MTM1: variants seen among roughly 807,000 people sequenced by gnomAD.
MTM1 encodes myotubularin.
MTM1 carries 9 observed loss-of-function variants against 52.1 expected under a neutral mutation model. That is an observed-to-expected ratio of 0.17 (90% confidence interval 0.10 to 0.30). The LOEUF is 0.30. MTM1 is among the 10% of genes least tolerant of loss of function. The pLI, the probability that MTM1 is intolerant of heterozygous loss-of-function variation, is 1.00. For missense variants in MTM1, 277 were observed against 470.7 expected (o/e 0.59, Z 3.81); for synonymous variants, 136 against 163.8 (o/e 0.83, Z 1.29).
At chrX:150,659,871 A>C in intron 12 of MTM1, 115 bp downstream of exon 12, 4 of 617,778 alleles carry the variant, frequency 6.5e-6, no homozygotes, top group South Asian at 4.9e-5. Context: ...AGATGAAGCA[A>C]GACTGGGCAT....
At chrX:150,596,820 G>A (rs1054448086) in intron 3 of MTM1, 98 of 325,809 alleles carry the variant, frequency 3.0e-4, no homozygotes, top group Non-Finnish European at 2.5e-4. Flanking sequence ...GGAAAAAAAT[G>A]TGGATTATCT....
intron 6 of MTM1, among the ~76,000 whole-genome samples, chrX:150,633,920 A>C (rs1272035582): frequency 1.8e-5 from 2 of 112,348 alleles, no homozygotes; most frequent in African/African-American, 6.5e-5. Context: ...CTGTAGTCCC[A>C]GCTACTCTGG....
chrX:150,643,181 A>G lies in MTM1; in HGVS notation c.678+1763A>G, dbSNP rs190410113. ...GTGCCTTTAATGTGAAATCATTAATATCTGATAGTTGGTTCTTTTTATAAA... is the reference window on the plus strand; with the variant it reads ...GTGCCTTTAATGTGAAATCATTAATGTCTGATAGTTGGTTCTTTTTATAAA... On this transcript the variant is annotated intron_variant, in intron 8 of 14. Coordinates refer to ENST00000370396, the MANE Select transcript of MTM1 (RefSeq NM_000252.3). Among the ~76,000 whole-genome samples, 13 of 111,811 alleles carry G rather than the reference A, an allele frequency of 1.2e-4. No homozygotes were observed. The East Asian group carries it at 3.6e-3, about 31-fold the overall frequency.
chrX:150,649,504 G>A (rs2039985883), intron 9 of MTM1, among the ~76,000 whole-genome samples: 3 of 112,178 alleles, frequency 2.7e-5, no homozygotes, highest in Non-Finnish European at 5.6e-5. Flanking sequence ...AGATTCCCCA[G>A]GAAATTGCCA....
At chrX:150,668,503 A>G (rs1224131574) in intron 14 of MTM1, among the ~76,000 whole-genome samples, 1 of 101,846 alleles carries the variant, frequency 9.8e-6, no homozygotes, top group African/African-American at 3.7e-5. Context: ...CCTAGGCAAC[A>G]TAGTGAGACC....
At chrX:150,631,900 G>A (rs782334119) in intron 6 of MTM1, among the ~76,000 whole-genome samples, 1 of 111,201 alleles carries the variant, frequency 9.0e-6, no homozygotes, top group East Asian at 2.8e-4. Flanking sequence ...CTGCATGTTT[G>A]ATTTTATTTC....
rs2038957841 is a variant in MTM1, at chrX:150,595,354, A to G, written c.64-1144A>G. On this transcript the variant is annotated intron_variant, in intron 2 of 14. Transcript: ENST00000370396. ...CACACACCTGTAGTCCCAGCTACTC[A>G]GGAGACCGAGGCATGAGAATCTCTT... Among the ~76,000 whole-genome samples the G allele has an allele frequency of 2.7e-5, 3 of 111,377 alleles. 1 individual carries two copies. The highest frequency in any genetic ancestry group is 9.5e-5 in the Admixed American group (1 of 10,480).
Position 150,656,085 on chromosome X carries a change from A to T in MTM1, c.1054-1736A>T, listed in dbSNP as rs911452655. On this transcript the variant is annotated intron_variant, in intron 10 of 14. Coordinates refer to ENST00000370396, the MANE Select transcript of MTM1 (RefSeq NM_000252.3). ...AAGGTCAAAAGGTGGATTTCACTGT[A>T]TCAGACTTTTACAGTCTAGACGCGA... 2.7e-5 allele frequency among the ~76,000 whole-genome samples: 3 copies of T among 111,643 alleles called. No homozygotes were observed. In the Admixed American group the frequency reaches 2.8e-4, roughly 11 times the overall value.
chrX:150,658,898 A>G (rs1409297275), intron 11 of MTM1, among the ~76,000 whole-genome samples: 4 of 112,284 alleles, frequency 3.6e-5, no homozygotes, highest in Non-Finnish European at 7.5e-5. Context: ...TTATTGCCCA[A>G]GCTGGAGCGC....
intron 4 of MTM1, among the ~76,000 whole-genome samples, chrX:150,612,589 A>G (rs2039303527): frequency 9.1e-6 from 1 of 110,368 alleles, no homozygotes; most frequent in African/African-American, 3.3e-5. Context: ...GGTCTCAGCT[A>G]CTCCCAGCTA....
intron 11 of MTM1, 60 bp downstream of exon 11, chrX:150,658,087 G>A (rs2040154991): frequency 1.1e-6 from 1 of 942,299 alleles, no homozygotes. Context: ...TTTAAAACTA[G>A]TTGTTAAATT....
At chrX:150,657,590 A>G (rs1349303936) in intron 10 of MTM1, among the ~76,000 whole-genome samples, 4 of 110,466 alleles carry the variant, frequency 3.6e-5, no homozygotes, top group Non-Finnish European at 7.6e-5. Context: ...CACGTTGTGT[A>G]CATGCACCCT....
At chrX:150,655,581 T>G (rs782254605) in intron 10 of MTM1, among the ~76,000 whole-genome samples, 1 of 112,101 alleles carries the variant, frequency 8.9e-6, no homozygotes, top group African/African-American at 3.2e-5. Flanking sequence ...GAAGTACTGA[T>G]TCGTGCTACA....
intron 7 of MTM1, 147 bp downstream of exon 7, chrX:150,639,173 A>G (rs2039807102): frequency 7.2e-6 from 4 of 553,013 alleles, no homozygotes; most frequent in Admixed American, 7.2e-5. Context: ...ATTTTGTACA[A>G]TATATCTCAT....
chrX:150,612,629 G>A lies in MTM1; in HGVS notation c.232-1960G>A, dbSNP rs925886261. On this transcript the variant is annotated intron_variant, in intron 4 of 14. Coordinates refer to ENST00000370396, the MANE Select transcript of MTM1 (RefSeq NM_000252.3). ...GGAGGCTGATGTGGGAGGATCACTCGAGCCCAGGAGTTTGCGACCAGCCTG... is the reference window on the plus strand; with the variant it reads ...GGAGGCTGATGTGGGAGGATCACTCAAGCCCAGGAGTTTGCGACCAGCCTG... 8.1e-5 allele frequency among the ~76,000 whole-genome samples: 9 copies of A among 111,422 alleles called. No individual in the cohort carries two copies. The South Asian group carries it at 1.1e-3, about 14-fold the overall frequency.
At chrX:150,661,578 T>A (rs782817299) in intron 13 of MTM1, among the ~76,000 whole-genome samples, 12 of 111,929 alleles carry the variant, frequency 1.1e-4, no homozygotes, top group Non-Finnish European at 1.9e-4. Context: ...GTAGTACCTA[T>A]ATACAGTAGA....
chrX:150,579,328 A>G (rs2038537569), intron 1 of MTM1, among the ~76,000 whole-genome samples: 1 of 110,591 alleles, frequency 9.0e-6, no homozygotes, highest in Admixed American at 9.6e-5. Flanking sequence ...TGCTGGGATT[A>G]CAGGCATGAG....
chrX:150,638,341 T>G (rs2039786691), intron 6 of MTM1, among the ~76,000 whole-genome samples: 1 of 110,326 alleles, frequency 9.1e-6, no homozygotes, highest in Non-Finnish European at 1.9e-5. Context: ...GTCACTAGAG[T>G]ATGGATGGTA....
chrX:150,637,362 C>T (rs1016056854), intron 6 of MTM1, among the ~76,000 whole-genome samples: 10 of 111,233 alleles, frequency 9.0e-5, no homozygotes, highest in Non-Finnish European at 1.7e-4. Context: ...CCAGACGCAG[C>T]GCCTCCAGAG....
Sources: gnomAD v4.1 joint callset for allele counts (sites outside exome capture counted in the v4.1 genomes callset) on GRCh38, gnomAD v4.1.1 for gene constraint, MANE v1.5 for transcripts, NCBI Gene and HGNC (gene_info 2026-07-23, HGNC 2026-07-21) for gene names.